CDH13: variants seen among roughly 807,000 people sequenced by gnomAD.
CDH13 encodes cadherin-13.
Under a neutral mutation model 63.8 loss-of-function variants are expected in CDH13, and 24 were observed. The ratio of observed to expected loss-of-function variants is 0.38; its 90% CI spans 0.27 to 0.53. CDH13 has a LOEUF of 0.53. Among genes scored for constraint, CDH13 ranks in the 20% least tolerant of loss-of-function variants. The pLI, the probability that CDH13 is intolerant of heterozygous loss-of-function variation, is 0.85. For synonymous variants in CDH13, 503 were observed against 355.3 expected, an observed-to-expected ratio of 1.42 and a Z score of -4.67; for missense variants, 1,049 against 903.1, an observed-to-expected ratio of 1.16 and a Z score of -2.07.
chr16:82,954,587 G>T (rs1905780134), intron 2 of CDH13: 1 of 152,030 alleles, frequency 6.6e-6, no homozygotes, highest in Non-Finnish European at 1.5e-5. Flanking sequence ...TACCAAATGA[G>T]CCCTTGTTCT....
intron 7 of CDH13, among the ~76,000 whole-genome samples, chr16:83,508,659 GA>G (rs1404630307): frequency 1.3e-5 from 2 of 152,250 alleles, no homozygotes; most frequent in African/African-American, 4.8e-5. Flanking sequence ...CAGTGAGTTT[GA>G]ACACCAGTTG....
intron 1 of CDH13, among the ~76,000 whole-genome samples, chr16:82,703,317 C>T (rs1003285858): frequency 6.6e-6 from 1 of 152,140 alleles, no homozygotes; most frequent in African/African-American, 2.4e-5. Flanking sequence ...ACCATTCCTT[C>T]TGGCAGCTTC....
At chr16:83,650,834 C>T (rs995172759) in intron 8 of CDH13, among the ~76,000 whole-genome samples, 34 of 152,066 alleles carry the variant, frequency 2.2e-4, no homozygotes, top group African/African-American at 7.7e-4. Flanking sequence ...ACATTTTAGG[C>T]GGCTGAGGCT....
chr16:83,733,802 A>G (rs754725005), intron 10 of CDH13, among the ~76,000 whole-genome samples: 5 of 152,170 alleles, frequency 3.3e-5, no homozygotes, highest in Non-Finnish European at 7.3e-5. Context: ...TTTCTTTGAG[A>G]TAAACCACCC....
At chr16:83,125,279 T>C in intron 3 of CDH13, 106 bp from the exon 4 acceptor site, 1 of 671,358 alleles carries the variant, frequency 1.5e-6, no homozygotes, top group Non-Finnish European at 2.7e-6. Flanking sequence ...AGTGAACACT[T>C]TCCAAACAGC....
intron 1 of CDH13, among the ~76,000 whole-genome samples, chr16:82,834,397 T>A (rs547654448): frequency 4.5e-4 from 69 of 152,256 alleles, no homozygotes; most frequent in East Asian, 5.8e-4. Flanking sequence ...TCAAAGAGCA[T>A]CTATTCAGGG....
intron 1 of CDH13, among the ~76,000 whole-genome samples, chr16:82,701,915 T>C (rs917918497): frequency 1.3e-5 from 2 of 151,696 alleles, no homozygotes; most frequent in Non-Finnish European, 2.9e-5. Context: ...CACGTGGACT[T>C]AGAATACAGG....
chr16:82,792,033 T>C (rs919992856), intron 1 of CDH13, among the ~76,000 whole-genome samples: 10 of 152,064 alleles, frequency 6.6e-5, no homozygotes, highest in African/African-American at 2.2e-4. Flanking sequence ...GCTTTCATGG[T>C]TTTTGGCACC....
At chr16:82,778,059 A>C (rs1410001062) in intron 1 of CDH13, among the ~76,000 whole-genome samples, 2 of 152,008 alleles carry the variant, frequency 1.3e-5, no homozygotes, top group African/African-American at 2.4e-5. Flanking sequence ...AGTCCACCCC[A>C]CCCTCAGTGG....
intron 6 of CDH13, among the ~76,000 whole-genome samples, chr16:83,430,297 A>G (rs564971945): frequency 7.2e-5 from 11 of 152,320 alleles, no homozygotes; most frequent in African/African-American, 2.6e-4. Flanking sequence ...AAGATTAACT[A>G]TACAGTAAAA....
intron 10 of CDH13, among the ~76,000 whole-genome samples, chr16:83,745,411 C>T (rs916011331): frequency 1.3e-5 from 2 of 152,160 alleles, no homozygotes; most frequent in Admixed American, 6.5e-5. Context: ...TTTACAACAG[C>T]GCTGTATCAG....
At chr16:82,953,246 C>CTTTATT (rs986315456) in intron 2 of CDH13, 6 of 152,022 alleles carry the variant, frequency 3.9e-5, no homozygotes, top group African/African-American at 1.4e-4. Context: ...TCCATTTATC[C>CTTTATT]TTTATTTTCT....
At chr16:83,196,415 A>G (rs1266643877) in intron 4 of CDH13, among the ~76,000 whole-genome samples, 1 of 152,218 alleles carries the variant, frequency 6.6e-6, no homozygotes, top group Non-Finnish European at 1.5e-5. Context: ...TGTGAACCCT[A>G]AAATGAAATT....
chr16:82,702,768 A>G (rs551699918), intron 1 of CDH13, among the ~76,000 whole-genome samples: 22 of 152,288 alleles, frequency 1.4e-4, no homozygotes, highest in Admixed American at 1.1e-3. Flanking sequence ...TGGCCATTGC[A>G]TGTATGATTT....
intron 7 of CDH13, among the ~76,000 whole-genome samples, chr16:83,517,469 A>T (rs1405899813): frequency 6.6e-6 from 1 of 152,224 alleles, no homozygotes; most frequent in Admixed American, 6.5e-5. Context: ...AGCTTGCAGC[A>T]TGTGGAGCAC....
At chr16:83,740,296 TCA>T (rs1449799931) in intron 10 of CDH13, among the ~76,000 whole-genome samples, 1 of 151,956 alleles carries the variant, frequency 6.6e-6, no homozygotes, top group Non-Finnish European at 1.5e-5. Flanking sequence ...AGCCGGGGAT[TCA>T]CACTCTGTGA....
chr16:82,837,338 TC>T (rs1433951070), intron 1 of CDH13, among the ~76,000 whole-genome samples: 1 of 151,866 alleles, frequency 6.6e-6, no homozygotes, highest in Non-Finnish European at 1.5e-5. Context: ...TGTAAAGTGC[TC>T]CCCCCTGGTT....
intron 6 of CDH13, among the ~76,000 whole-genome samples, chr16:83,364,737 A>G (rs2091226541): frequency 6.6e-6 from 1 of 152,180 alleles, no homozygotes; most frequent in Non-Finnish European, 1.5e-5. Context: ...AAACAGAAAC[A>G]ATGGGAAGAG....
chr16:83,730,922 T>G (rs1317414904), intron 10 of CDH13, among the ~76,000 whole-genome samples: 1 of 149,108 alleles, frequency 6.7e-6, no homozygotes, highest in African/African-American at 2.6e-5. Context: ...GTATTTGGTT[T>G]TCTGTCCCTG....
Sources: gnomAD v4.1 joint callset for allele counts (sites outside exome capture counted in the v4.1 genomes callset) on GRCh38, gnomAD v4.1.1 for gene constraint, MANE v1.5 for transcripts, NCBI Gene and HGNC (gene_info 2026-07-23, HGNC 2026-07-21) for gene names.